The following PREP variants were observed in gnomAD, a reference collection of about 807,000 sequenced individuals.
PREP encodes prolyl endopeptidase.
PREP carries 29 observed loss-of-function variants against 87.6 expected under a neutral mutation model. That is an observed-to-expected ratio of 0.33 (90% confidence interval 0.25 to 0.45). The LOEUF (loss-of-function observed/expected upper bound fraction) is 0.45, where lower values mean the gene tolerates loss of function less well. Among genes scored for constraint, PREP ranks in the 20% least tolerant of loss-of-function variants. The pLI is 1.00. For synonymous variants in PREP, 337 were observed against 328.6 expected, an observed-to-expected ratio of 1.03 and a Z score of -0.28; for missense variants, 695 against 886.5, an observed-to-expected ratio of 0.78 and a Z score of 2.74.
At chr6:105,357,187 C>A (rs996067444) in intron 6 of PREP, among the ~76,000 whole-genome samples, 1 of 152,144 alleles carries the variant, frequency 6.6e-6, no homozygotes, top group Admixed American at 6.5e-5. Context: ...TAATTGAAAG[C>A]AACATCATTA....
chr6:105,284,234 G>A (rs1020379290), intron 12 of PREP, among the ~76,000 whole-genome samples: 3 of 152,126 alleles, frequency 2.0e-5, no homozygotes, highest in Admixed American at 6.5e-5. Flanking sequence ...GATGATAACT[G>A]GCAACGATGG....
chr6:105,313,338 G>A (rs779367179), intron 10 of PREP, among the ~76,000 whole-genome samples: 3 of 152,212 alleles, frequency 2.0e-5, no homozygotes, highest in Non-Finnish European at 2.9e-5. Context: ...GAAGAAATCT[G>A]TGTAGCAGGT....
intron 4 of PREP, among the ~76,000 whole-genome samples, chr6:105,374,163 G>A (rs760701318): frequency 2.6e-5 from 4 of 152,102 alleles, no homozygotes; most frequent in East Asian, 1.9e-4. Flanking sequence ...GAAGGCGCCC[G>A]GAGTGCACAT....
chr6:105,397,185 C>CCA (rs775026045), intron 2 of PREP, among the ~76,000 whole-genome samples: 17 of 86,846 alleles, frequency 2.0e-4, no homozygotes, highest in African/African-American at 3.7e-4. Flanking sequence ...ACTCTGTCTA[C>CCA]AAAAAAAAAA....
intron 6 of PREP, among the ~76,000 whole-genome samples, 183 bp downstream of exon 6, chr6:105,368,720 A>T (rs1772458847): frequency 6.6e-6 from 1 of 152,206 alleles, no homozygotes; most frequent in Non-Finnish European, 1.5e-5. Context: ...ATAGGTTGAG[A>T]TTGCAGTTAA....
At chr6:105,400,257 T>C (rs1773391628) in intron 1 of PREP, among the ~76,000 whole-genome samples, 2 of 152,160 alleles carry the variant, frequency 1.3e-5, no homozygotes, top group Admixed American at 6.5e-5. Flanking sequence ...CCTGATAAGG[T>C]ACTGTACTAC....
At chr6:105,315,411 T>C (rs933019280) in intron 10 of PREP, among the ~76,000 whole-genome samples, 5 of 152,184 alleles carry the variant, frequency 3.3e-5, no homozygotes, top group African/African-American at 9.7e-5. Flanking sequence ...GCCCGAGAGT[T>C]CCTACTGCCT....
chr6:105,278,009 T>C lies in PREP; in HGVS notation c.*135A>G, dbSNP rs1244896291. The C allele has an allele frequency of 7.4e-6, 9 of 1,212,154 alleles. No homozygotes were observed. The South Asian group carries it at 8.8e-5, about 12-fold the overall frequency. 75.1% of individuals were successfully genotyped at this position (1,212,154 alleles called of 1,614,324 possible). On this transcript the variant is annotated 3_prime_UTR_variant, in exon 15 of 15. Coordinates refer to ENST00000652536, the MANE Select transcript of PREP (RefSeq NM_002726.5). The surrounding 1 kb of genome is among the most constrained non-coding windows in gnomAD (Gnocchi z 4.2). ...AAAAAAGATAAAATTCCCACGGCAG[T>C]TCTGTTCAACTGTAGCCTGTGAGTG... is the stretch of plus-strand genomic sequence containing the variant.
intron 2 of PREP, among the ~76,000 whole-genome samples, chr6:105,395,841 T>TA (rs1773273913): frequency 6.6e-6 from 1 of 152,212 alleles, no homozygotes; most frequent in East Asian, 1.9e-4. Context: ...ATCAGGTCCT[T>TA]AGAGACAGTT....
At chr6:105,382,528 A>C (rs1772872652) in intron 2 of PREP, among the ~76,000 whole-genome samples, 1 of 152,158 alleles carries the variant, frequency 6.6e-6, no homozygotes, top group South Asian at 2.1e-4. Flanking sequence ...AATACTGTTC[A>C]CTTAAAAAAA....
intron 8 of PREP, among the ~76,000 whole-genome samples, chr6:105,332,745 A>C (rs1300771432): frequency 1.3e-5 from 2 of 152,262 alleles, no homozygotes; most frequent in South Asian, 4.1e-4. Flanking sequence ...AGAATGAATA[A>C]AAGGGAACAA....
At chr6:105,318,932 T>C (rs1029061627) in intron 10 of PREP, among the ~76,000 whole-genome samples, 5 of 152,194 alleles carry the variant, frequency 3.3e-5, no homozygotes, top group East Asian at 1.9e-4. Context: ...TTAATGAGTA[T>C]TGAAACACGA....
At chr6:105,314,257 G>A (rs1403375742) in intron 10 of PREP, among the ~76,000 whole-genome samples, 2 of 152,266 alleles carry the variant, frequency 1.3e-5, no homozygotes, top group East Asian at 3.9e-4. Context: ...CTGATGATTG[G>A]GATGGTGGTT....
intron 6 of PREP, among the ~76,000 whole-genome samples, chr6:105,363,036 C>T: frequency 6.6e-6 from 1 of 152,110 alleles, no homozygotes; most frequent in Non-Finnish European, 1.5e-5. Flanking sequence ...AGGCAACACA[C>T]TTTATATGTT....
At chr6:105,315,438 T>C (rs1770841749) in intron 10 of PREP, among the ~76,000 whole-genome samples, 1 of 152,174 alleles carries the variant, frequency 6.6e-6, no homozygotes, top group Non-Finnish European at 1.5e-5. Context: ...CCTAAAGCAT[T>C]GGGATGACAG....
chr6:105,303,154 T>C (rs1418987543), intron 10 of PREP, among the ~76,000 whole-genome samples: 2 of 149,926 alleles, frequency 1.3e-5, no homozygotes, highest in Non-Finnish European at 3.0e-5. Context: ...TATGTATGTA[T>C]GTAAAGCAAT....
chr6:105,376,345 C>T (rs1019097268), intron 3 of PREP, 90 bp from the exon 4 acceptor site: 4 of 1,452,054 alleles, frequency 2.8e-6, no homozygotes, highest in Admixed American at 2.0e-5. Flanking sequence ...CAAAACAAAA[C>T]CAAAGACCTA....
At chr6:105,313,359 C>T (rs1770798750) in intron 10 of PREP, among the ~76,000 whole-genome samples, 2 of 152,226 alleles carry the variant, frequency 1.3e-5, no homozygotes, top group South Asian at 4.1e-4. Flanking sequence ...GGACAGCCCA[C>T]ACGAAGCTCC....
At chr6:105,288,940 GAT>G (rs1436711844) in intron 10 of PREP, 46 bp from the exon 11 acceptor site, 3 of 1,562,146 alleles carry the variant, frequency 1.9e-6, no homozygotes, top group Non-Finnish European at 2.6e-6. Flanking sequence ...TTACTTAGTA[GAT>G]ACTGCGTGCT....
Sources: allele counts gnomAD v4.1 joint callset (sites outside exome capture counted in the v4.1 genomes callset), GRCh38; gene constraint gnomAD v4.1.1; non-coding constraint Gnocchi (gnomAD v3.1); transcripts MANE v1.5; gene names NCBI Gene and HGNC (gene_info 2026-07-23, HGNC 2026-07-21).